Variants in KATNIP observed in about 807,000 individuals in gnomAD.
KATNIP encodes the protein katanin-interacting protein.
A neutral mutation model predicts 174.0 loss-of-function variants in KATNIP; 126 were observed. The observed-to-expected ratio is 0.72, with a 90% confidence interval of 0.63 to 0.84. The LOEUF is 0.84. KATNIP is among the 40% of genes least tolerant of loss of function. The pLI is 0.00. For missense variants in KATNIP, 1,958 were observed against 2,109.7 expected (o/e 0.93, Z 1.41); for synonymous variants, 810 against 835.7 (o/e 0.97, Z 0.53).
At chr16:27,566,082 C>T (rs143167022) in intron 1 of KATNIP, among the ~76,000 whole-genome samples, 2 of 151,498 alleles carry the variant, frequency 1.3e-5, no homozygotes, top group East Asian at 3.9e-4. Flanking sequence ...GCTGCTCCCA[C>T]CTTAACCTCC....
intron 18 of KATNIP, 183 bp downstream of exon 18, chr16:27,754,434 A>C: frequency 1.7e-6 from 1 of 594,634 alleles, no homozygotes; most frequent in Non-Finnish European, 3.0e-6. Flanking sequence ...TGGCCCTAGC[A>C]GGGCCACCTC....
rs542104710 is a variant in KATNIP at position 27,776,488 on chromosome 16, G to A, written c.4450-440G>A. ...GGACATTGTCCAGCAGCACCTTGGC[G>A]TTGCTTCTCAGTGATGGTTTGGGGA... On this transcript the variant is annotated intron_variant, in intron 24 of 27. Transcript: ENST00000261588. This position sits in a 1 kb window ranked among gnomAD's most constrained non-coding sequence, Gnocchi z 4.7. Among the ~76,000 whole-genome samples, 9 of 152,276 alleles carry A rather than the reference G, an allele frequency of 5.9e-5. No homozygotes were observed. The highest frequency in any genetic ancestry group is 2.1e-4 in the South Asian group (1 of 4,828).
intron 6 of KATNIP, among the ~76,000 whole-genome samples, chr16:27,664,616 G>C (rs1418534512): frequency 1.3e-5 from 2 of 152,178 alleles, no homozygotes; most frequent in African/African-American, 2.4e-5. Context: ...TGTAGGGCTT[G>C]ACTTACTTTT....
intron 8 of KATNIP, among the ~76,000 whole-genome samples, chr16:27,690,368 G>GATGATAT (rs2078687009): frequency 1.4e-5 from 2 of 143,358 alleles, no homozygotes; most frequent in African/African-American, 5.3e-5. Flanking sequence ...ATAGATGATA[G>GATGATAT]ATAGATAGAT....
chr16:27,767,276 TAA>T (rs1353275017), intron 20 of KATNIP, among the ~76,000 whole-genome samples: 1 of 152,038 alleles, frequency 6.6e-6, no homozygotes, highest in Non-Finnish European at 1.5e-5. Flanking sequence ...TCCTCATCTA[TAA>T]AATGAGGAGG....
Position 27,766,328 on chromosome 16 carries a change from A to G in KATNIP, c.3829A>G (p.Ile1277Val), listed in dbSNP as rs374150008. ...ALDKLIDGTN[I>V]TMEDEHMWLI... ...CTGCAGGTTAATTGATGGCACCAACATCACCATGGAGGATGAGCATATGTG... is the reference window on the plus strand; with the variant it reads ...CTGCAGGTTAATTGATGGCACCAACGTCACCATGGAGGATGAGCATATGTG... The change falls in exon 20 of 28, where the codon ATC (isoleucine) becomes GTC (valine). Residue 1277 changes from isoleucine to valine, a missense_variant. This residue lies in a region of KATNIP where 18 missense variants were observed against 35.8 expected (regional missense o/e 0.50). Transcript: ENST00000261588. 7 of 1,614,032 alleles carry G rather than the reference A, an allele frequency of 4.3e-6. No individual in the cohort carries two copies. The African/African-American group carries it at 6.7e-5, about 15-fold the overall frequency.
At chr16:27,746,722 C>A (rs2081308808) in intron 15 of KATNIP, among the ~76,000 whole-genome samples, 1 of 152,154 alleles carries the variant, frequency 6.6e-6, no homozygotes, top group African/African-American at 2.4e-5. Flanking sequence ...GCAGCAAGGG[C>A]AAAGGCTCTG....
intron 2 of KATNIP, among the ~76,000 whole-genome samples, chr16:27,612,522 G>T (rs935423500): frequency 6.6e-6 from 1 of 152,114 alleles, no homozygotes; most frequent in African/African-American, 2.4e-5. Context: ...CTTTTGGGAG[G>T]CCGAGGCAGG....
chr16:27,700,405 C>T (rs116777434), intron 10 of KATNIP, among the ~76,000 whole-genome samples: 1,838 of 152,236 alleles, frequency 0.012, 49 homozygotes, highest in African/African-American at 0.042. Context: ...GCTGTGTGCT[C>T]AGAATGCAGA....
intron 8 of KATNIP, among the ~76,000 whole-genome samples, chr16:27,688,251 G>A (rs892284495): frequency 6.6e-6 from 1 of 152,000 alleles, no homozygotes; most frequent in Non-Finnish European, 1.5e-5. Context: ...CCTGGGCGGT[G>A]TAGTGAGACC....
rs541925864 is a variant in KATNIP at position 27,682,230 on chromosome 16, G to A, written c.940+700G>A. On this transcript the variant is annotated intron_variant, in intron 8 of 27. Transcript: ENST00000261588. ...TTGTCTATGTTCTAATGACATGAGAGGTTACATTTATTCACTACTTAGGAT... is the reference window on the plus strand; with the variant it reads ...TTGTCTATGTTCTAATGACATGAGAAGTTACATTTATTCACTACTTAGGAT... Among the ~76,000 whole-genome samples, 13 of 152,312 alleles carry A rather than the reference G, an allele frequency of 8.5e-5. No homozygotes were observed. In the East Asian group the frequency reaches 2.1e-3, roughly 25 times the overall value.
In KATNIP at chr16:27,654,822, C is replaced by T. The variant is rs1343104189; in HGVS notation, c.540+6087C>T. ...AGCTGTGCCTGCCTTAAGATGGACT[C>T]CGTGAGAGAGTCTAGGAAAACCACA... On this transcript the variant is annotated intron_variant, in intron 6 of 27. Coordinates refer to ENST00000261588, the MANE Select transcript of KATNIP (RefSeq NM_015202.5). 4 of 1,239,534 alleles carry T rather than the reference C, an allele frequency of 3.2e-6. No individual in the cohort carries two copies. In the East Asian group the frequency reaches 1.9e-4, roughly 58 times the overall value. The allele number at this position is 1,239,534 out of a possible 1,614,324, so 76.8% of individuals were successfully genotyped here. A position where few individuals can be genotyped will look rare whatever the true frequency, so the allele number is the denominator to read the frequency against.
intron 8 of KATNIP, among the ~76,000 whole-genome samples, chr16:27,697,009 G>A (rs560715723): frequency 9.9e-5 from 15 of 152,240 alleles, no homozygotes; most frequent in Non-Finnish European, 1.6e-4. Flanking sequence ...GATTACAGGC[G>A]TGAGCCACCA....
chr16:27,641,928 G>C (rs2076812464), intron 5 of KATNIP, among the ~76,000 whole-genome samples: 1 of 152,160 alleles, frequency 6.6e-6, no homozygotes. Context: ...GAGTCAGGCA[G>C]CTCCTCAGGC....
Position 27,750,285 on chromosome 16 carries a change from G to A in KATNIP, c.3325G>A (p.Ala1109Thr). Residue 1109 changes from alanine to threonine, a missense_variant, in exon 16 of 28, where the codon GCC (alanine) becomes ACC (threonine). Transcript: ENST00000261588. The part of the protein sequence containing the change: ...QCIFEGEIAK[A>T]SGTLAGAPEH... ...CATCTTTGAAGGAGAAATCGCCAAG[G>A]CCTCTGGAACCCTGGCGGGAGGTAT... The A allele has an allele frequency of 6.2e-7, 1 of 1,612,694 alleles. No homozygotes were observed. The highest frequency in any genetic ancestry group is 8.5e-7 in the Non-Finnish European group (1 of 1,179,112).
intron 17 of KATNIP, among the ~76,000 whole-genome samples, 178 bp from the exon 18 acceptor site, chr16:27,753,995 G>A (rs1220081478): frequency 6.6e-6 from 1 of 152,170 alleles, no homozygotes; most frequent in Non-Finnish European, 1.5e-5. Context: ...GAGGGTCAGG[G>A]TCCGCCCATA....
intron 23 of KATNIP, 91 bp downstream of exon 23, chr16:27,773,300 A>C (rs2082377536): frequency 1.2e-6 from 1 of 841,994 alleles, no homozygotes; most frequent in Non-Finnish European, 1.9e-6. Context: ...GTGCAGAGGG[A>C]AATGGCCCTC....
intron 5 of KATNIP, among the ~76,000 whole-genome samples, chr16:27,636,069 G>A (rs868850047): frequency 6.6e-6 from 1 of 152,050 alleles, no homozygotes; most frequent in Admixed American, 6.6e-5. Context: ...AGTTAGGATC[G>A]CTTGAAGCCA....
At chr16:27,769,741 G>A (rs1169940096) in intron 20 of KATNIP, 120 bp from the exon 21 acceptor site, 3 of 1,174,258 alleles carry the variant, frequency 2.6e-6, no homozygotes, top group South Asian at 1.4e-5. Context: ...TCGGTCAGGT[G>A]GCTCTGCGAA....
Sources: allele counts gnomAD v4.1 joint callset (sites outside exome capture counted in the v4.1 genomes callset), GRCh38; gene constraint gnomAD v4.1.1; regional missense constraint gnomAD v4.1.1; non-coding constraint Gnocchi (gnomAD v3.1); transcripts MANE v1.5; gene names NCBI Gene and HGNC (gene_info 2026-07-23, HGNC 2026-07-21).